BAAT: variants seen among roughly 807,000 people sequenced by gnomAD.
BAAT encodes bile acid CoA: amino acid N-acyltransferase (glycine N-choloyltransferase).
BAAT carries 13 observed loss-of-function variants against 18.9 expected under a neutral mutation model. The observed-to-expected ratio is 0.69, with a 90% CI of 0.45 to 1.10. BAAT has a LOEUF of 1.10. Ranked by LOEUF, BAAT falls within the 50% of genes least tolerant of loss-of-function variation. The probability of loss-of-function intolerance (pLI) is 0.00; values close to 1 mark genes in which losing one functional copy is unlikely to be tolerated. For synonymous variants in BAAT, 170 were observed against 190.7 expected, an observed-to-expected ratio of 0.89 and a Z score of 0.89; for missense variants, 489 against 504.0, an observed-to-expected ratio of 0.97 and a Z score of 0.28.
chr9:101,371,535 GCAGT>G, intron 1 of BAAT, 72 bp from the exon 2 acceptor site: 1 of 934,684 alleles, frequency 1.1e-6, no homozygotes, highest in Non-Finnish European at 1.7e-6. Context: ...AATTGAATCA[GCAGT>G]CAGACCACTT....
Position 101,362,472 on chromosome 9 carries a change from A to G in BAAT, c.1213T>C (p.Phe405Leu). Reference sequence around the variant, plus strand: ...TCTGGAATGAGGTGCTTCCTGAGAAATCTCTGGATCTCCTTCCAAGCATGT... The same window carrying G: ...TCTGGAATGAGGTGCTTCCTGAGAAGTCTCTGGATCTCCTTCCAAGCATGT... ...QEHAWKEIQR[F>L]LRKHLIPDVT... The change falls in exon 4 of 4, where the codon TTT (phenylalanine) becomes CTT (leucine). Residue 405 changes from phenylalanine (F) to leucine (L), a missense_variant. Physicochemically the swap from Phe to Leu is conservative, Grantham distance 22. Coordinates refer to ENST00000259407, the MANE Select transcript of BAAT (RefSeq NM_001701.4). 1 of 1,614,040 alleles carries G rather than the reference A, an allele frequency of 6.2e-7. No individual in the cohort carries two copies. Among genetic ancestry groups the G allele is most frequent in the Non-Finnish European group, 8.5e-7 (1 of 1,179,986 alleles).
rs371212382 is a variant in BAAT, at chr9:101,368,188, G to T, written c.601C>A (p.Arg201Ser). The stretch of plus-strand genomic sequence containing the variant: ...TCCAAATCTGTTACTTCTGGTTTGC[G>T]GGGCAGGTCTTCATAGTTATGGTAA... ...LAYHNYEDLP[R>S]KPEVTDLEYF... The change falls in exon 3 of 4, where the codon CGC (arginine) becomes AGC (serine). Residue 201 changes from arginine to serine, a missense_variant. Coordinates refer to ENST00000259407, the MANE Select transcript of BAAT (RefSeq NM_001701.4). 11 of 1,614,154 alleles carry T rather than the reference G, an allele frequency of 6.8e-6. 1 individual carries two copies. In the African/African-American group the frequency reaches 9.3e-5, roughly 14 times the overall value.
chr9:101,382,249 G>T (rs568272957), intron 1 of BAAT, among the ~76,000 whole-genome samples: 2 of 152,144 alleles, frequency 1.3e-5, no homozygotes, highest in Non-Finnish European at 2.9e-5. Context: ...TTGATAATTG[G>T]CAGCTTTCAG....
At chr9:101,367,449 T>C (rs2119020664) in intron 3 of BAAT, among the ~76,000 whole-genome samples, 1 of 152,238 alleles carries the variant, frequency 6.6e-6, no homozygotes, top group African/African-American at 2.4e-5. Flanking sequence ...TTTGTTCATC[T>C]TTGAGTGCTT....
intron 1 of BAAT, among the ~76,000 whole-genome samples, chr9:101,382,815 C>T (rs569573340): frequency 1.6e-4 from 24 of 152,276 alleles, no homozygotes; most frequent in African/African-American, 5.3e-4. Context: ...CATCAACCAG[C>T]GTGCCCAAAC....
chr9:101,378,433 C>A (rs1437992616), intron 1 of BAAT, among the ~76,000 whole-genome samples: 2 of 152,160 alleles, frequency 1.3e-5, no homozygotes, highest in Non-Finnish European at 2.9e-5. Flanking sequence ...TACACATCTA[C>A]AACCATCTGA....
chr9:101,363,650 A>T (rs1829774562), intron 3 of BAAT, among the ~76,000 whole-genome samples: 1 of 152,102 alleles, frequency 6.6e-6, no homozygotes, highest in Non-Finnish European at 1.5e-5. Flanking sequence ...GGAGGAAAAA[A>T]AAAAACACAC....
At chr9:101,368,750 T>G (rs1435047596) in intron 2 of BAAT, among the ~76,000 whole-genome samples, 1 of 152,132 alleles carries the variant, frequency 6.6e-6, no homozygotes, top group Non-Finnish European at 1.5e-5. Context: ...AGTATACAAA[T>G]AAGCTTTAGG....
chr9:101,382,450 C>T lies in BAAT; in HGVS notation c.-60+2405G>A, dbSNP rs540362457. 7.2e-5 allele frequency among the ~76,000 whole-genome samples: 11 copies of T among 152,228 alleles called. No homozygotes were observed. The South Asian group carries it at 1.9e-3, about 26-fold the overall frequency. ...ATGCATGTGGGTGGCTCCCCATAAC[C>T]CTTAAGGGAAGGATGAAGGGAAAGG... On this transcript the variant is annotated intron_variant, in intron 1 of 3. Transcript: ENST00000259407.
intron 1 of BAAT, among the ~76,000 whole-genome samples, chr9:101,373,564 C>T (rs1053502777): frequency 2.6e-5 from 4 of 152,154 alleles, no homozygotes; most frequent in South Asian, 2.1e-4. Flanking sequence ...GCAGGCTGAA[C>T]GATAACGATG....
At chr9:101,382,736 A>G (rs954473494) in intron 1 of BAAT, among the ~76,000 whole-genome samples, 1 of 152,214 alleles carries the variant, frequency 6.6e-6, no homozygotes, top group Non-Finnish European at 1.5e-5. Context: ...ATTTGCCACC[A>G]GTAACTCAGA....
chr9:101,374,948 G>A (rs145439944), intron 1 of BAAT, among the ~76,000 whole-genome samples: 207 of 152,164 alleles, frequency 1.4e-3, no homozygotes, highest in Non-Finnish European at 9.4e-4. Flanking sequence ...ATTTTTCAGC[G>A]TCATCACTCA....
intron 3 of BAAT, among the ~76,000 whole-genome samples, chr9:101,363,401 AAAGT>A (rs1588138435): frequency 6.6e-6 from 1 of 152,172 alleles, no homozygotes; most frequent in Admixed American, 6.5e-5. Flanking sequence ...ACTGAGAAAG[AAAGT>A]GAGATCAGTA....
chr9:101,367,943 T>C (rs1366838300), intron 3 of BAAT, among the ~76,000 whole-genome samples, 177 bp downstream of exon 3: 3 of 152,204 alleles, frequency 2.0e-5, no homozygotes, highest in Non-Finnish European at 4.4e-5. Context: ...ACAAAATGCA[T>C]AGGAAGTTAG....
At chr9:101,370,499 A>G (rs980040593) in intron 2 of BAAT, among the ~76,000 whole-genome samples, 1 of 151,760 alleles carries the variant, frequency 6.6e-6, no homozygotes, top group Non-Finnish European at 1.5e-5. Flanking sequence ...GTATTTATAG[A>G]GAAAGAGTTT....
At chr9:101,367,919 T>G (rs1273302304) in intron 3 of BAAT, among the ~76,000 whole-genome samples, 1 of 152,262 alleles carries the variant, frequency 6.6e-6, no homozygotes, top group Non-Finnish European at 1.5e-5. Context: ...ATCCAGTGTC[T>G]TTTGCTCAGA....
rs371558547 is a variant in BAAT, at chr9:101,371,082, T to C, written c.323A>G (p.Tyr108Cys). Residue 108 changes from tyrosine to cysteine, a missense_variant, in exon 2 of 4, where the codon TAT becomes TGT. Tyr to Cys is a radical substitution (Grantham distance 194, BLOSUM62 -2). Coordinates refer to ENST00000259407, the MANE Select transcript of BAAT (RefSeq NM_001701.4). ...ATTGTTCACTATTAACTCTAAGTCATAAAGTTTTACTTGGACCTGGAAAGG... is the reference window on the plus strand; with the variant it reads ...ATTGTTCACTATTAACTCTAAGTCACAAAGTTTTACTTGGACCTGGAAAGG... ...NRPFQVQVKL[Y>C]DLELIVNNKV... 14 of 1,613,968 alleles carry C rather than the reference T, an allele frequency of 8.7e-6. No individual in the cohort carries two copies. The highest frequency in any genetic ancestry group is 1.1e-5 in the Non-Finnish European group (13 of 1,180,006).
chr9:101,384,849 A>G lies in BAAT; in HGVS notation c.-60+6T>C, dbSNP rs1489667658. On this transcript the variant is annotated splice_donor_region_variant and intron_variant, in intron 1 of 3. Coordinates refer to ENST00000259407, the MANE Select transcript of BAAT (RefSeq NM_001701.4). ...ATGGAAGTAAGTAAATGAAAAAAAT[A>G]CATACCTAGCAAGAGAACCTGCCCC... 1.3e-5 allele frequency among the ~76,000 whole-genome samples: 2 copies of G among 152,176 alleles called. No homozygotes were observed. Among genetic ancestry groups the G allele is most frequent in the African/African-American group, 2.4e-5 (1 of 41,440 alleles).
rs1829940535 is a variant in BAAT, at chr9:101,371,376, C to T, written c.29G>A (p.Ser10Asn). The change falls in exon 2 of 4, where the codon AGT becomes AAT. Residue 10 changes from serine to asparagine, a missense_variant. Transcript: ENST00000259407. ...ATGCACTGGCTCATCAACAAGTGCA[C>T]TCACAGGGGTAGCTGTCAACTGGAT... MIQLTATPV[S>N]ALVDEPVHIR... is the part of the protein sequence containing the mutation. 1 of 1,612,508 alleles carries T rather than the reference C, an allele frequency of 6.2e-7. No individual in the cohort carries two copies. The highest frequency in any genetic ancestry group is 1.3e-5 in the African/African-American group (1 of 74,908).
Sources: allele counts gnomAD v4.1 joint callset (sites outside exome capture counted in the v4.1 genomes callset), GRCh38; gene constraint gnomAD v4.1.1; transcripts MANE v1.5; gene names NCBI Gene and HGNC (gene_info 2026-07-23, HGNC 2026-07-21).